ARHGAP10: variants seen among roughly 807,000 people sequenced by gnomAD.
ARHGAP10 encodes Rho GTPase activating protein 10, also known as rho GTPase-activating protein 10.
ARHGAP10 carries 87 observed loss-of-function variants against 108.6 expected under a neutral mutation model. The ratio of observed to expected loss-of-function variants is 0.80; its 90% CI spans 0.67 to 0.96. The LOEUF (loss-of-function observed/expected upper bound fraction) is 0.96. Ranked by LOEUF, ARHGAP10 falls within the 40% of genes least tolerant of loss-of-function variation. The pLI is 0.00. For missense variants in ARHGAP10, 939 were observed against 954.5 expected, an observed-to-expected ratio of 0.98 and a Z score of 0.21; for synonymous variants, 347 against 341.1, an observed-to-expected ratio of 1.02 and a Z score of -0.19.
At chr4:147,811,216 A>G (rs1732002249) in intron 1 of ARHGAP10, among the ~76,000 whole-genome samples, 1 of 152,224 alleles carries the variant, frequency 6.6e-6, no homozygotes. Flanking sequence ...CAGACTGGTA[A>G]GTGCGGGCCC....
At chr4:147,940,494 A>G (rs1385577610) in intron 14 of ARHGAP10, among the ~76,000 whole-genome samples, 1 of 152,246 alleles carries the variant, frequency 6.6e-6, no homozygotes, top group South Asian at 2.1e-4. Flanking sequence ...GCGCTTTTAC[A>G]TTACACACTG....
chr4:147,866,657 C>CT, intron 6 of ARHGAP10, 55 bp from the exon 7 acceptor site: 4 of 1,338,060 alleles, frequency 3.0e-6, no homozygotes, highest in Non-Finnish European at 4.2e-6. Context: ...TTATATGATT[C>CT]TTTTTTTCTC....
At chr4:147,894,365 GA>G (rs528013198) in intron 10 of ARHGAP10, among the ~76,000 whole-genome samples, 201 of 152,278 alleles carry the variant, frequency 1.3e-3, no homozygotes, top group African/African-American at 4.2e-3. Flanking sequence ...CTTCTGTCAT[GA>G]AGTGTCTATT....
At chr4:147,767,098 A>G (rs1256550412) in intron 1 of ARHGAP10, among the ~76,000 whole-genome samples, 2 of 151,488 alleles carry the variant, frequency 1.3e-5, no homozygotes, top group Admixed American at 1.3e-4. Context: ...CAATCCACCC[A>G]CTTTGGCCGC....
intron 1 of ARHGAP10, among the ~76,000 whole-genome samples, chr4:147,742,904 CTT>C (rs11419792): frequency 2.8e-5 from 4 of 144,696 alleles, no homozygotes; most frequent in Non-Finnish European, 6.0e-5. Flanking sequence ...TACTGAAAGC[CTT>C]TTTTTTTTTT....
intron 18 of ARHGAP10, among the ~76,000 whole-genome samples, chr4:147,981,426 TG>T (rs1478766660): frequency 2.6e-5 from 4 of 152,198 alleles, no homozygotes; most frequent in Non-Finnish European, 4.4e-5. Context: ...AGAAGATGCT[TG>T]GTATGATTTC....
intron 9 of ARHGAP10, 49 bp from the exon 10 acceptor site, chr4:147,881,789 A>G (rs768379995): frequency 1.0e-5 from 16 of 1,565,670 alleles, no homozygotes; most frequent in Non-Finnish European, 1.4e-5. Context: ...CTGAGTGTGT[A>G]TATACTTATC....
intron 18 of ARHGAP10, among the ~76,000 whole-genome samples, chr4:147,979,490 T>G (rs1739728047): frequency 6.6e-6 from 1 of 152,120 alleles, no homozygotes; most frequent in African/African-American, 2.4e-5. Context: ...TTGTTCCTTT[T>G]GCTTAGGATT....
chr4:147,797,101 A>G (rs1021564337), intron 1 of ARHGAP10, among the ~76,000 whole-genome samples: 1 of 152,126 alleles, frequency 6.6e-6, no homozygotes, highest in Non-Finnish European at 1.5e-5. Flanking sequence ...ATGGGGTTCA[A>G]AGTTGTTAAA....
At position 147,791,545 on chromosome 4, in the gene ARHGAP10, C is replaced by T. The variant is rs576759243; in HGVS notation, c.155-31182C>T. Among the ~76,000 whole-genome samples the T allele has an allele frequency of 5.6e-3, 853 of 151,898 alleles. 2 individuals are homozygous for T. Among genetic ancestry groups the T allele is most frequent in the Non-Finnish European group, 7.8e-3 (527 of 67,954 alleles). On this transcript the variant is annotated intron_variant, in intron 1 of 22. Transcript: ENST00000336498. ...CCGTGTGTGTGTGTGCGCGCGCGTGCGTGCGCGCGTGTATATATATATATT... is the reference window on the plus strand; with the variant it reads ...CCGTGTGTGTGTGTGCGCGCGCGTGTGTGCGCGCGTGTATATATATATATT...
intron 1 of ARHGAP10, among the ~76,000 whole-genome samples, chr4:147,755,381 G>T (rs946049078): frequency 5.3e-5 from 8 of 152,004 alleles, no homozygotes; most frequent in African/African-American, 1.9e-4. Context: ...TGTTCCATCT[G>T]ACTGTTTGTA....
At chr4:147,941,673 G>A (rs993252597) in intron 14 of ARHGAP10, among the ~76,000 whole-genome samples, 8 of 152,074 alleles carry the variant, frequency 5.3e-5, no homozygotes, top group Admixed American at 2.6e-4. Flanking sequence ...ATTTAAGAGG[G>A]TTACACAATA....
intron 13 of ARHGAP10, among the ~76,000 whole-genome samples, chr4:147,923,530 T>A (rs1737331748): frequency 6.6e-6 from 1 of 152,260 alleles, no homozygotes; most frequent in Non-Finnish European, 1.5e-5. Flanking sequence ...AATTTGAATA[T>A]TCACTTTAAT....
chr4:147,838,151 C>A (rs1386555941), intron 3 of ARHGAP10, among the ~76,000 whole-genome samples: 2 of 152,160 alleles, frequency 1.3e-5, no homozygotes, highest in Non-Finnish European at 2.9e-5. Context: ...ATCATGGATA[C>A]ATTCTGAATT....
At position 147,853,986 on chromosome 4, in the gene ARHGAP10, A is replaced by G. The variant is rs563670154; in HGVS notation, c.385-3567A>G. On this transcript the variant is annotated intron_variant, in intron 4 of 22. Coordinates refer to ENST00000336498, the MANE Select transcript of ARHGAP10 (RefSeq NM_024605.4). ...CTTTTTTTAAACCCAGTGATGTGTA[A>G]TGACAAATTTATATAGTTTTTGACC... Among the ~76,000 whole-genome samples the G allele has an allele frequency of 9.2e-5, 14 of 152,284 alleles. No homozygotes were observed. In the South Asian group the frequency reaches 1.9e-3, roughly 20 times the overall value.
chr4:147,970,935 G>A (rs1739381237), intron 18 of ARHGAP10, among the ~76,000 whole-genome samples: 1 of 151,828 alleles, frequency 6.6e-6, no homozygotes, highest in African/African-American at 2.4e-5. Flanking sequence ...TTAAAAGAAA[G>A]TACAAGAATT....
Position 147,732,219 on chromosome 4 carries a change from G to A in ARHGAP10, c.-83G>A, listed in dbSNP as rs1728239506. The A allele has an allele frequency of 7.3e-7, 1 of 1,369,642 alleles. No individual in the cohort carries two copies. The highest frequency in any genetic ancestry group is 9.5e-7 in the Non-Finnish European group (1 of 1,057,784). 84.8% of individuals were successfully genotyped at this position (1,369,642 alleles called of 1,614,324 possible). A position where few individuals can be genotyped will look rare whatever the true frequency, so the allele number is the denominator to read the frequency against. ...GCTCCTCTGTGCTCCCTGAACGCGC[G>A]GCGCCGCACCTGGCAGCGGCCTCGG... On this transcript the variant is annotated 5_prime_UTR_variant, in exon 1 of 23. Coordinates refer to ENST00000336498, the MANE Select transcript of ARHGAP10 (RefSeq NM_024605.4).
chr4:147,965,494 G>A (rs2126997383), intron 17 of ARHGAP10, among the ~76,000 whole-genome samples: 1 of 152,236 alleles, frequency 6.6e-6, no homozygotes, highest in South Asian at 2.1e-4. Context: ...ATTCAATAAT[G>A]GGTAGTTATT....
rs985366196 is a variant in ARHGAP10, at chr4:148,045,042, C to T, written c.1868-1850C>T. Among the ~76,000 whole-genome samples the T allele has an allele frequency of 2.0e-5, 3 of 152,178 alleles. No individual in the cohort carries two copies. In the East Asian group the frequency reaches 5.8e-4, roughly 29 times the overall value. On this transcript the variant is annotated intron_variant, in intron 19 of 22. Transcript: ENST00000336498. ...CTGTGGAGATACGGTTCATCTCTTGCTCAGCCATCTCCCCCACCCTCCCCG... is the reference window on the plus strand; with the variant it reads ...CTGTGGAGATACGGTTCATCTCTTGTTCAGCCATCTCCCCCACCCTCCCCG...
Sources: allele counts gnomAD v4.1 joint callset (sites outside exome capture counted in the v4.1 genomes callset), GRCh38; gene constraint gnomAD v4.1.1; transcripts MANE v1.5; gene names NCBI Gene and HGNC (gene_info 2026-07-23, HGNC 2026-07-21).